BTBD9: variants seen among roughly 807,000 people sequenced by gnomAD.
The protein encoded by BTBD9 is BTB/POZ domain-containing protein 9.
Under a neutral mutation model 64.3 loss-of-function variants are expected in BTBD9, and 49 were observed. That is an observed-to-expected ratio of 0.76 (90% confidence interval 0.61 to 0.97). The LOEUF (loss-of-function observed/expected upper bound fraction) is 0.97, where lower values mean the gene tolerates loss of function less well. Ranked by LOEUF, BTBD9 falls within the 50% of genes least tolerant of loss-of-function variation. The pLI is 0.00. For synonymous variants in BTBD9, 260 were observed against 274.7 expected, an observed-to-expected ratio of 0.95 and a Z score of 0.53; for missense variants, 598 against 762.1, an observed-to-expected ratio of 0.78 and a Z score of 2.53.
chr6:38,288,526 C>A, intron 7 of BTBD9, 65 bp from the exon 8 acceptor site: 1 of 1,331,400 alleles, frequency 7.5e-7, no homozygotes, highest in Non-Finnish European at 1.1e-6. Context: ...CTATAGTGTG[C>A]TCAGAACAAA....
At chr6:38,389,349 G>C (rs1273914675) in intron 6 of BTBD9, among the ~76,000 whole-genome samples, 3 of 152,076 alleles carry the variant, frequency 2.0e-5, no homozygotes, top group African/African-American at 7.2e-5. Context: ...CAAAAAAACA[G>C]GCAAATGCAA....
chr6:38,611,194 G>C (rs1777607338), intron 1 of BTBD9, among the ~76,000 whole-genome samples: 1 of 152,012 alleles, frequency 6.6e-6, no homozygotes, highest in Non-Finnish European at 1.5e-5. Context: ...AGTAAACACA[G>C]ACATAGAAAA....
At chr6:38,378,241 TTTTC>T (rs1267002577) in intron 6 of BTBD9, among the ~76,000 whole-genome samples, 2 of 150,190 alleles carry the variant, frequency 1.3e-5, no homozygotes, top group Admixed American at 6.6e-5. Flanking sequence ...TAGGCAAAAC[TTTTC>T]TTTTTTTTTT....
chr6:38,321,150 C>T (rs991606499), intron 7 of BTBD9, among the ~76,000 whole-genome samples: 15 of 152,176 alleles, frequency 9.9e-5, no homozygotes, highest in African/African-American at 3.6e-4. Context: ...CTTTTACAAT[C>T]GTCACTGCTT....
chr6:38,439,404 A>G (rs1485057233), intron 6 of BTBD9, among the ~76,000 whole-genome samples: 1 of 151,914 alleles, frequency 6.6e-6, no homozygotes, highest in Admixed American at 6.6e-5. Flanking sequence ...CTGAGATTAC[A>G]GGCATGAGTC....
intron 6 of BTBD9, among the ~76,000 whole-genome samples, chr6:38,365,911 C>A (rs1328061256): frequency 2.0e-5 from 3 of 152,100 alleles, no homozygotes; most frequent in Non-Finnish European, 4.4e-5. Context: ...AGACTGCTCA[C>A]AAAGTAGACA....
At chr6:38,438,054 G>A (rs554008624) in intron 6 of BTBD9, among the ~76,000 whole-genome samples, 2 of 151,816 alleles carry the variant, frequency 1.3e-5, no homozygotes, top group African/African-American at 2.4e-5. Flanking sequence ...CCTGGGATAC[G>A]AAGCGAGGAT....
chr6:38,382,527 AAAAAG>A (rs1273814890), intron 6 of BTBD9, among the ~76,000 whole-genome samples: 1 of 151,586 alleles, frequency 6.6e-6, no homozygotes, highest in African/African-American at 2.4e-5. Context: ...AAAAAAAAAA[AAAAAG>A]AAAAGAAAAA....
intron 6 of BTBD9, among the ~76,000 whole-genome samples, chr6:38,417,007 G>C (rs1248543586): frequency 6.6e-6 from 1 of 152,040 alleles, no homozygotes; most frequent in Non-Finnish European, 1.5e-5. Flanking sequence ...TGCAATCACA[G>C]CTCACCGTAA....
intron 4 of BTBD9, chr6:38,587,767 A>G (rs1246967871): frequency 1.4e-6 from 1 of 703,466 alleles, no homozygotes; most frequent in Non-Finnish European, 2.7e-6. Context: ...TAGGGAAGAA[A>G]AGCCTGCTTC....
intron 6 of BTBD9, among the ~76,000 whole-genome samples, chr6:38,552,620 A>G (rs1444255517): frequency 6.6e-6 from 1 of 152,042 alleles, no homozygotes; most frequent in Non-Finnish European, 1.5e-5. Context: ...TACAAAAATT[A>G]GCCGGGTGTG....
chr6:38,288,696 C>A (rs1275334675), intron 7 of BTBD9, among the ~76,000 whole-genome samples: 1 of 152,162 alleles, frequency 6.6e-6, no homozygotes, highest in Non-Finnish European at 1.5e-5. Flanking sequence ...CTTTGGGAGG[C>A]TGAGGTGGGC....
At chr6:38,550,556 T>A (rs769895545) in intron 6 of BTBD9, among the ~76,000 whole-genome samples, 3 of 152,134 alleles carry the variant, frequency 2.0e-5, no homozygotes, top group African/African-American at 4.8e-5. Context: ...GACCTCATGA[T>A]CTGCCCACCT....
At chr6:38,441,093 G>T (rs746555643) in intron 6 of BTBD9, among the ~76,000 whole-genome samples, 1 of 152,176 alleles carries the variant, frequency 6.6e-6, no homozygotes, top group Non-Finnish European at 1.5e-5. Context: ...AGAACTCAGA[G>T]CCAACACTAA....
At chr6:38,262,725 C>T (rs1339097899) in intron 8 of BTBD9, among the ~76,000 whole-genome samples, 1 of 152,200 alleles carries the variant, frequency 6.6e-6, no homozygotes, top group Non-Finnish European at 1.5e-5. Flanking sequence ...GCTCTCTCAT[C>T]AGTCTGTGAA....
intron 6 of BTBD9, among the ~76,000 whole-genome samples, chr6:38,367,982 T>TA (rs1050442636): frequency 4.6e-5 from 7 of 152,182 alleles, no homozygotes; most frequent in African/African-American, 1.4e-4. Context: ...AAAGGTGTGC[T>TA]ATAGCAATAG....
intron 10 of BTBD9, 28 bp downstream of exon 10, chr6:38,192,491 G>A (rs1333983787): frequency 6.3e-7 from 1 of 1,585,808 alleles, no homozygotes; most frequent in African/African-American, 1.3e-5. Context: ...GAAATCTCAT[G>A]GCACCTCTCA....
chr6:38,225,662 C>T (rs1763369514), intron 9 of BTBD9, among the ~76,000 whole-genome samples: 1 of 152,116 alleles, frequency 6.6e-6, no homozygotes, highest in Non-Finnish European at 1.5e-5. Context: ...GTGACAGGTG[C>T]TATGAAGGAA....
intron 9 of BTBD9, among the ~76,000 whole-genome samples, chr6:38,234,213 A>T (rs1164294783): frequency 1.6e-5 from 1 of 62,406 alleles, no homozygotes; most frequent in Non-Finnish European, 4.9e-5. Context: ...CAAATATATA[A>T]CTATGTCTGT....
Sources: gnomAD v4.1 joint callset for allele counts (sites outside exome capture counted in the v4.1 genomes callset) on GRCh38, gnomAD v4.1.1 for gene constraint, MANE v1.5 for transcripts, NCBI Gene and HGNC (gene_info 2026-07-23, HGNC 2026-07-21) for gene names.